DLG2: variants seen among roughly 807,000 people sequenced by gnomAD.
DLG2 encodes the protein discs large MAGUK scaffold protein 2.
A neutral mutation model predicts 132.5 loss-of-function variants in DLG2; 45 were observed. That is an observed-to-expected ratio of 0.34 (90% CI 0.27 to 0.44). The LOEUF is 0.44. Ranked by LOEUF, DLG2 falls within the 20% of genes least tolerant of loss-of-function variation. DLG2 has a pLI of 1.00. For missense variants in DLG2, 1,045 were observed against 1,196.9 expected, an observed-to-expected ratio of 0.87 and a Z score of 1.87; for synonymous variants, 424 against 419.6, an observed-to-expected ratio of 1.01 and a Z score of -0.13.
intron 7 of DLG2, among the ~76,000 whole-genome samples, chr11:84,320,605 C>T (rs2154396771): frequency 1.3e-5 from 2 of 152,242 alleles, no homozygotes; most frequent in South Asian, 4.1e-4. Flanking sequence ...AGCACATTTC[C>T]TTCAAAATAA....
At chr11:83,637,275 AC>A (rs1439841943) in intron 18 of DLG2, among the ~76,000 whole-genome samples, 3 of 152,174 alleles carry the variant, frequency 2.0e-5, no homozygotes, top group Non-Finnish European at 4.4e-5. Flanking sequence ...TCCCTTTGGA[AC>A]ATTTTTCAGT....
intron 6 of DLG2, among the ~76,000 whole-genome samples, chr11:84,585,419 G>C (rs565912727): frequency 6.6e-6 from 1 of 152,216 alleles, no homozygotes; most frequent in East Asian, 1.9e-4. Context: ...AATTGTTTTA[G>C]TATAACTGAT....
At chr11:85,402,926 T>C (rs894104001) in intron 3 of DLG2, among the ~76,000 whole-genome samples, 8 of 152,088 alleles carry the variant, frequency 5.3e-5, no homozygotes, top group African/African-American at 9.7e-5. Context: ...TTGTGGAAGA[T>C]AGTGTGGCAA....
At position 84,595,612 on chromosome 11, in the gene DLG2, C is replaced by T. The variant is rs115188439; in HGVS notation, c.358-60881G>A. On this transcript the variant is annotated intron_variant, in intron 6 of 27. Transcript: ENST00000376104. ...CCTGGCTCTGCACAGACAGATTTTGCGGAGAAAACACAATCTTGCTCTCAA... is the reference window on the plus strand; with the variant it reads ...CCTGGCTCTGCACAGACAGATTTTGTGGAGAAAACACAATCTTGCTCTCAA... Among the ~76,000 whole-genome samples the T allele has an allele frequency of 5.3e-3, 812 of 152,064 alleles. 9 individuals are homozygous for T. Among genetic ancestry groups the T allele is most frequent in the African/African-American group, 0.019 (776 of 41,480 alleles).
chr11:85,428,384 A>T (rs1355052635), intron 3 of DLG2, among the ~76,000 whole-genome samples: 1 of 152,176 alleles, frequency 6.6e-6, no homozygotes, highest in Non-Finnish European at 1.5e-5. Flanking sequence ...GAAGTAAAGC[A>T]CTCCTCAGCA....
Position 83,513,145 on chromosome 11 carries a change from A to T in DLG2, c.2193+19563T>A, listed in dbSNP as rs561561417. On this transcript the variant is annotated intron_variant, in intron 21 of 27. Transcript: ENST00000376104. ...AATGGTTGAACCAGTTTATAGTCCC[A>T]CCAGCAGTGTAAAAGTGTTCCTATT... Among the ~76,000 whole-genome samples the T allele has an allele frequency of 2.0e-5, 3 of 152,334 alleles. No homozygotes were observed. The South Asian group carries it at 6.2e-4, about 32-fold the overall frequency.
chr11:85,195,388 C>A (rs1167342723), intron 4 of DLG2, among the ~76,000 whole-genome samples: 1 of 151,996 alleles, frequency 6.6e-6, no homozygotes, highest in Non-Finnish European at 1.5e-5. Context: ...AAGGCCCTAC[C>A]CCTGTGGAAT....
intron 18 of DLG2, among the ~76,000 whole-genome samples, chr11:83,753,850 TA>T (rs2093497959): frequency 1.1e-4 from 1 of 8,890 alleles, no homozygotes; most frequent in African/African-American, 7.6e-4. Context: ...ATATCATATA[TA>T]TCATATATAT....
At chr11:84,710,241 C>T (rs186118284) in intron 6 of DLG2, among the ~76,000 whole-genome samples, 34 of 152,080 alleles carry the variant, frequency 2.2e-4, no homozygotes, top group African/African-American at 8.2e-4. Flanking sequence ...TTTCTTAGTA[C>T]TAGCTCACCA....
intron 11 of DLG2, among the ~76,000 whole-genome samples, chr11:84,050,288 T>C (rs1028995159): frequency 4.6e-5 from 7 of 151,700 alleles, no homozygotes; most frequent in Non-Finnish European, 1.0e-4. Flanking sequence ...AGATAAGATA[T>C]CAAGAATGTC....
At chr11:83,484,097 G>C in intron 22 of DLG2, 32 bp downstream of exon 22, 1 of 1,568,130 alleles carries the variant, frequency 6.4e-7, no homozygotes, top group Non-Finnish European at 8.8e-7. Context: ...CTCTTATGTT[G>C]CATGTGACAT....
intron 2 of DLG2, among the ~76,000 whole-genome samples, chr11:85,621,819 A>G (rs1462337914): frequency 1.3e-5 from 2 of 152,244 alleles, no homozygotes; most frequent in Non-Finnish European, 2.9e-5. Flanking sequence ...AAATGGCAAC[A>G]AAGGGTTTAG....
At chr11:83,975,994 C>T (rs2092144292) in intron 12 of DLG2, among the ~76,000 whole-genome samples, 1 of 151,704 alleles carries the variant, frequency 6.6e-6, no homozygotes, top group African/African-American at 2.4e-5. Context: ...TTCTGATGCA[C>T]CAAGCAAGAG....
intron 3 of DLG2, among the ~76,000 whole-genome samples, chr11:85,383,742 T>C (rs2086095000): frequency 6.6e-6 from 1 of 152,198 alleles, no homozygotes; most frequent in African/African-American, 2.4e-5. Flanking sequence ...AGAAATTGCT[T>C]CCTTCTGCCT....
Position 85,494,499 on chromosome 11 carries a change from A to G in DLG2, c.40+104158T>C, listed in dbSNP as rs1480621277. On this transcript the variant is annotated intron_variant, in intron 3 of 27. Transcript: ENST00000376104. ...AAAAAGCATACACAAACAAGATTAA[A>G]AAAAAGGAAAGTAAGCAATGTTAAA... 2.0e-5 allele frequency among the ~76,000 whole-genome samples: 3 copies of G among 152,304 alleles called. No homozygotes were observed. In the East Asian group the frequency reaches 5.8e-4, roughly 29 times the overall value.
At chr11:83,644,580 T>C (rs1447875079) in intron 18 of DLG2, among the ~76,000 whole-genome samples, 1 of 152,082 alleles carries the variant, frequency 6.6e-6, no homozygotes, top group Non-Finnish European at 1.5e-5. Flanking sequence ...ATTGCGAGTA[T>C]TTTGTGTTAT....
chr11:84,982,029 T>C (rs2055828416), intron 6 of DLG2, among the ~76,000 whole-genome samples: 1 of 152,142 alleles, frequency 6.6e-6, no homozygotes, highest in African/African-American at 2.4e-5. Context: ...TTCTACATTT[T>C]TACCCTTTAC....
intron 18 of DLG2, among the ~76,000 whole-genome samples, chr11:83,732,291 G>A (rs909941659): frequency 6.6e-6 from 1 of 152,102 alleles, no homozygotes; most frequent in African/African-American, 2.4e-5. Context: ...GTGGTAGGAA[G>A]CTAAAGGGTA....
intron 6 of DLG2, among the ~76,000 whole-genome samples, chr11:85,014,718 A>G (rs2059425514): frequency 1.3e-5 from 2 of 152,206 alleles, no homozygotes; most frequent in Admixed American, 1.3e-4. Context: ...CCTAACACAC[A>G]TCAGCTCCAC....
Sources: gnomAD v4.1 joint callset for allele counts (sites outside exome capture counted in the v4.1 genomes callset) on GRCh38, gnomAD v4.1.1 for gene constraint, MANE v1.5 for transcripts, NCBI Gene and HGNC (gene_info 2026-07-23, HGNC 2026-07-21) for gene names.